PPP1R12C: variants seen among roughly 807,000 people sequenced by gnomAD.
The protein encoded by PPP1R12C is protein phosphatase 1 regulatory subunit 12C, also known as leukocyte receptor cluster (LRC) encoded novel gene 3.
A neutral mutation model predicts 95.6 loss-of-function variants in PPP1R12C; 48 were observed. That is an observed-to-expected ratio of 0.50 (90% CI 0.40 to 0.64). The LOEUF (loss-of-function observed/expected upper bound fraction) is 0.64, where lower values mean the gene tolerates loss of function less well. Among genes scored for constraint, PPP1R12C ranks in the 30% least tolerant of loss-of-function variants. The probability of loss-of-function intolerance (pLI) is 0.00; values close to 1 mark genes in which losing one functional copy is unlikely to be tolerated. For missense variants in PPP1R12C, 1,057 were observed against 1,083.3 expected, an observed-to-expected ratio of 0.98 and a Z score of 0.34; for synonymous variants, 480 against 460.8, an observed-to-expected ratio of 1.04 and a Z score of -0.53.
intron 3 of PPP1R12C, among the ~76,000 whole-genome samples, chr19:55,106,297 T>C (rs1349618692): frequency 1.3e-5 from 2 of 152,220 alleles, no homozygotes; most frequent in African/African-American, 4.8e-5. Flanking sequence ...AACAATACTA[T>C]GATGAACATC....
chr19:55,091,999 C>G, intron 19 of PPP1R12C, 90 bp from the exon 20 acceptor site: 2 of 1,496,668 alleles, frequency 1.3e-6, no homozygotes, highest in Non-Finnish European at 1.9e-6. Context: ...CCCGCCCGCC[C>G]ACTAGGCAGC....
Position 55,092,669 on chromosome 19 carries a change from G to A in PPP1R12C, c.1912-7C>T. ...CCGGCTCCGCCTCCTCCCCCTGTGG[G>A]CAGGTAGACGGGGGTTCAATGGGTA... On this transcript the variant is annotated splice_polypyrimidine_tract_variant and splice_region_variant and intron_variant, in intron 16 of 21. Coordinates refer to ENST00000263433, the MANE Select transcript of PPP1R12C (RefSeq NM_017607.4). 3 of 1,530,558 alleles carry A rather than the reference G, an allele frequency of 2.0e-6. No individual in the cohort carries two copies. Among genetic ancestry groups the A allele is most frequent in the Non-Finnish European group, 1.8e-6 (2 of 1,140,900 alleles). 94.8% of individuals were successfully genotyped at this position (1,530,558 alleles called of 1,614,324 possible).
At chr19:55,092,586 C>G in intron 17 of PPP1R12C, 36 bp downstream of exon 17, 2 of 1,555,442 alleles carry the variant, frequency 1.3e-6, no homozygotes, top group Non-Finnish European at 1.7e-6. Context: ...CGGCCCGGCC[C>G]GCACGCAGAC....
intron 6 of PPP1R12C, among the ~76,000 whole-genome samples, chr19:55,098,573 C>T (rs1485805820): frequency 6.6e-6 from 1 of 152,264 alleles, no homozygotes; most frequent in Non-Finnish European, 1.5e-5. Flanking sequence ...CACCACCAGG[C>T]AGGCAGGAAG....
chr19:55,092,045 C>T, intron 19 of PPP1R12C, 136 bp from the exon 20 acceptor site: 1 of 1,213,414 alleles, frequency 8.2e-7, no homozygotes, highest in Non-Finnish European at 1.2e-6. Flanking sequence ...GGCCCCGCCA[C>T]CGGCAGGCCC....
At chr19:55,107,959 T>C (rs1602999382) in intron 3 of PPP1R12C, among the ~76,000 whole-genome samples, 1 of 143,664 alleles carries the variant, frequency 7.0e-6, no homozygotes, top group African/African-American at 2.8e-5. Context: ...TTTGAGATGC[T>C]GAGTCTTGCT....
chr19:55,112,443 C>G (rs1353329459), intron 3 of PPP1R12C, 24 bp downstream of exon 3: 1 of 1,598,016 alleles, frequency 6.3e-7, no homozygotes, highest in Non-Finnish European at 8.5e-7. Context: ...TCCCCCACCC[C>G]ACACACAGCA....
rs996216546 is a variant in PPP1R12C, at chr19:55,098,700, G to T, written c.951+84C>A. ...CTGGGGTGGTGGGTGTCAGAAGTCG[G>T]GGGGGTTCCCCCTCTGCACCCTCCT... On this transcript the variant is annotated intron_variant, in intron 6 of 21. Transcript: ENST00000263433. 2.7e-6 allele frequency: 4 copies of T among 1,481,278 alleles called. No homozygotes were observed. In the African/African-American group the frequency reaches 6.3e-5, roughly 23 times the overall value. The allele number at this position is 1,481,278 out of a possible 1,614,324, so 91.8% of individuals were successfully genotyped here.
chr19:55,092,541 G>A lies in PPP1R12C; in HGVS notation c.1956C>T (p.Thr652=), dbSNP rs74838764. ...TGCGGGCCGAGGGGCCGCCCTCCAG[G>A]GTGCTGGGGCAGGGGAGGAGCGCGC... ...EPADRSQESS[T]LEGGPSARRQ... Residue 652 remains threonine, a synonymous_variant, in exon 18 of 22, where the codon ACC becomes ACT. Coordinates refer to ENST00000263433, the MANE Select transcript of PPP1R12C (RefSeq NM_017607.4). 5.1e-3 allele frequency: 8,097 copies of A among 1,601,278 alleles called. 354 individuals are homozygous for A. In the African/African-American group the frequency reaches 0.091, roughly 18 times the overall value.
chr19:55,113,734 G>A, intron 1 of PPP1R12C: 2 of 546,240 alleles, frequency 3.7e-6, no homozygotes, highest in Non-Finnish European at 5.4e-6. Context: ...ATGAGGTCAT[G>A]GAAACTCGGG....
At position 55,112,487 on chromosome 19, in the gene PPP1R12C, T is replaced by C; in HGVS notation, c.551A>G (p.Lys184Arg). Residue 184 changes from lysine (K) to arginine (R), a missense_variant, in exon 3 of 22, where the codon AAG becomes AGG. Lys to Arg is a conservative substitution (Grantham distance 26). Transcript: ENST00000263433. ...CCCACCTCGGCGGGCGATCTCCGCCTTCAGCAGCCCCTCCATGGCGTCCGA... is the reference window on the plus strand; with the variant it reads ...CCCACCTCGGCGGGCGATCTCCGCCCTCAGCAGCCCCTCCATGGCGTCCGA... ...AESDAMEGLLKAEIARRGVDV... is the reference protein window; with the variant it reads ...AESDAMEGLLRAEIARRGVDV... 6.2e-7 allele frequency: 1 copy of C among 1,612,150 alleles called. No individual in the cohort carries two copies. Among genetic ancestry groups the C allele is most frequent in the Non-Finnish European group, 8.5e-7 (1 of 1,179,686 alleles).
At chr19:55,104,134 GC>G (rs1409686675) in intron 3 of PPP1R12C, among the ~76,000 whole-genome samples, 1 of 133,100 alleles carries the variant, frequency 7.5e-6, no homozygotes, top group East Asian at 2.2e-4. Context: ...CTGCACTCCA[GC>G]CTGGGCAACA....
In PPP1R12C at chr19:55,091,481, G is replaced by A; in HGVS notation, c.2340C>T (p.Leu780=). 6.2e-7 allele frequency: 1 copy of A among 1,613,976 alleles called. No individual in the cohort carries two copies. Among genetic ancestry groups the A allele is most frequent in the Non-Finnish European group, 8.5e-7 (1 of 1,179,894 alleles). ...GGAAAGTCCCTCCGGGTCACTTGGA[G>A]AGTTTGCTGATGACGCGGATCAACG... ...NAALIRVISK[L]SK is the part of the protein sequence containing the mutation. The change falls in exon 22 of 22, where the codon CTC becomes CTT. Residue 780 remains leucine (L), a synonymous_variant. Transcript: ENST00000263433.
chr19:55,103,624 G>C lies in PPP1R12C; in HGVS notation c.572-56C>G, dbSNP rs569539554. On this transcript the variant is annotated intron_variant, in intron 3 of 21. Transcript: ENST00000263433. The stretch of plus-strand genomic sequence containing the variant: ...CACACCCCATGACCTGAAATACCCA[G>C]GGTCATACACTGGGCTGGCCAGGGT... 6.5e-4 allele frequency: 946 copies of C among 1,458,678 alleles called. 4 individuals carry two copies. The highest frequency in any genetic ancestry group is 4.1e-3 in the Middle Eastern group (22 of 5,356). 90.4% of individuals were successfully genotyped at this position (1,458,678 alleles called of 1,614,324 possible).
intron 1 of PPP1R12C, among the ~76,000 whole-genome samples, chr19:55,116,737 C>T (rs542151551): frequency 6.6e-6 from 1 of 152,258 alleles, no homozygotes; most frequent in Admixed American, 6.5e-5. Context: ...GTGACAATGG[C>T]CAGGGCCAGG....
rs748089061 is a variant in PPP1R12C, at chr19:55,094,727, G to A, written c.1526C>T (p.Ser509Phe). 3.7e-6 allele frequency: 6 copies of A among 1,610,280 alleles called. No individual in the cohort carries two copies. Among genetic ancestry groups the A allele is most frequent in the Admixed American group, 3.4e-5 (2 of 59,526 alleles). ...SPPSRIPEPE[S>F]PAKPNVPTAS... is the part of the protein sequence containing the mutation. ...TGTGGGGACGTTTGGCTTCGCTGGG[G>A]ATTCAGGCTCCGGAATCCTGGAGGG... The change falls in exon 12 of 22, where the codon TCC becomes TTC. Residue 509 changes from serine to phenylalanine, a missense_variant. By Grantham distance (155) the Ser-to-Phe change is radical. Coordinates refer to ENST00000263433, the MANE Select transcript of PPP1R12C (RefSeq NM_017607.4).
intron 6 of PPP1R12C, chr19:55,096,925 G>A (rs1245115670): frequency 6.8e-6 from 1 of 147,012 alleles, no homozygotes; most frequent in African/African-American, 4.2e-5. Flanking sequence ...GTTCACCACC[G>A]TCTTCGCCCC....
chr19:55,099,065 C>A lies in PPP1R12C; in HGVS notation c.762G>T (p.Glu254Asp), dbSNP rs1159006713. 7.7e-6 allele frequency: 12 copies of A among 1,551,762 alleles called. No homozygotes were observed. Among genetic ancestry groups the A allele is most frequent in the South Asian group, 1.2e-5 (1 of 84,096 alleles). ...RLLLQAGYDP[E>D]LRDGDGWTPL... ...GAGTCCAGCCGTCCCCGTCCCGGAG[C>A]TCTGGGTCGTAGCCAGCCTGAAGGA... Residue 254 changes from glutamate to aspartate, a missense_variant, in exon 5 of 22, where the codon GAG becomes GAT. This residue lies in a region of PPP1R12C where 282 missense variants were observed against 380.4 expected (regional missense o/e 0.74). Transcript: ENST00000263433.
At chr19:55,097,815 AT>A (rs1404082212) in intron 6 of PPP1R12C, among the ~76,000 whole-genome samples, 15 of 151,986 alleles carry the variant, frequency 9.9e-5, no homozygotes, top group African/African-American at 3.6e-4. Context: ...GTCTCCCCCC[AT>A]ATCTGGGCCC....
Sources: gnomAD v4.1 joint callset for allele counts (sites outside exome capture counted in the v4.1 genomes callset) on GRCh38, gnomAD v4.1.1 for gene constraint, gnomAD v4.1.1 regional missense constraint, MANE v1.5 for transcripts, NCBI Gene and HGNC (gene_info 2026-07-23, HGNC 2026-07-21) for gene names.